The following SNX30 variants were observed in gnomAD, a reference collection of about 807,000 sequenced individuals.
SNX30 encodes the protein sorting nexin-30.
SNX30 carries 24 observed loss-of-function variants against 46.4 expected under a neutral mutation model. The ratio of observed to expected loss-of-function variants is 0.52; its 90% CI spans 0.37 to 0.73. The LOEUF (loss-of-function observed/expected upper bound fraction) is 0.73, where lower values mean the gene tolerates loss of function less well. Among genes scored for constraint, SNX30 ranks in the 30% least tolerant of loss-of-function variants. The pLI is 0.00. For synonymous variants in SNX30, 189 were observed against 211.5 expected (o/e 0.89, Z 0.92); for missense variants, 533 against 555.7 (o/e 0.96, Z 0.41).
At chr9:112,859,217 A>G (rs1005103944) in intron 7 of SNX30, among the ~76,000 whole-genome samples, 3 of 152,106 alleles carry the variant, frequency 2.0e-5, no homozygotes, top group Admixed American at 2.0e-4. Context: ...ACTCAGTGTA[A>G]TGTCCTTGGT....
At chr9:112,786,615 A>G (rs1839932666) in intron 1 of SNX30, among the ~76,000 whole-genome samples, 1 of 151,128 alleles carries the variant, frequency 6.6e-6, no homozygotes, top group South Asian at 2.1e-4. Flanking sequence ...AGAGGGCAAG[A>G]CTGTGTGACC....
intron 6 of SNX30, among the ~76,000 whole-genome samples, chr9:112,840,738 C>G (rs1840842213): frequency 6.6e-6 from 1 of 151,734 alleles, no homozygotes; most frequent in African/African-American, 2.4e-5. Context: ...CTCGGCCTCC[C>G]AAAGTGCTGG....
At chr9:112,836,168 A>G (rs1309664022) in intron 4 of SNX30, 46 bp from the exon 5 acceptor site, 4 of 1,528,146 alleles carry the variant, frequency 2.6e-6, no homozygotes, top group Admixed American at 1.8e-5. Flanking sequence ...AGTCCTGCCC[A>G]TGTGAGTGAG....
chr9:112,832,615 G>A (rs1019665020), intron 4 of SNX30, among the ~76,000 whole-genome samples: 3 of 141,088 alleles, frequency 2.1e-5, no homozygotes, highest in African/African-American at 5.3e-5. Context: ...ATCACACGCC[G>A]GGGACTGTTG....
intron 1 of SNX30, among the ~76,000 whole-genome samples, chr9:112,774,944 A>C (rs953047545): frequency 8.0e-5 from 12 of 149,228 alleles, no homozygotes; most frequent in African/African-American, 3.0e-4. Context: ...TCCTGGGTTC[A>C]AGCGATTCTC....
intron 7 of SNX30, among the ~76,000 whole-genome samples, chr9:112,859,755 C>T (rs924823661): frequency 1.3e-5 from 2 of 151,280 alleles, no homozygotes; most frequent in Admixed American, 6.6e-5. Flanking sequence ...GATCCACTTG[C>T]CTTGGCCTCC....
chr9:112,789,928 T>A (rs1396989185), intron 1 of SNX30, among the ~76,000 whole-genome samples: 1 of 152,206 alleles, frequency 6.6e-6, no homozygotes, highest in Non-Finnish European at 1.5e-5. Context: ...TCTTAAACCA[T>A]GTCTAAAGAA....
intron 1 of SNX30, among the ~76,000 whole-genome samples, chr9:112,769,722 A>T (rs544331827): frequency 6.6e-6 from 1 of 150,704 alleles, no homozygotes; most frequent in African/African-American, 2.4e-5. Flanking sequence ...TCCCTAAGCA[A>T]TCTCATCCAG....
At chr9:112,807,192 A>C (rs955056987) in intron 2 of SNX30, among the ~76,000 whole-genome samples, 23 of 150,994 alleles carry the variant, frequency 1.5e-4, no homozygotes, top group Admixed American at 9.9e-4. Context: ...CAGCCTCCCG[A>C]GTAGCTGGGA....
chr9:112,753,580 G>A lies in SNX30; in HGVS notation c.156+2423G>A, dbSNP rs568034220. On this transcript the variant is annotated intron_variant, in intron 1 of 8. Coordinates refer to ENST00000374232, the MANE Select transcript of SNX30 (RefSeq NM_001012994.2). Reference sequence around the variant, plus strand: ...GTATTTTTAGTAGAGACGAGGTTTCGCCATGTTGGCCAGGCTAGTCTCGAA... The same window carrying A: ...GTATTTTTAGTAGAGACGAGGTTTCACCATGTTGGCCAGGCTAGTCTCGAA... Among the ~76,000 whole-genome samples, 4 of 152,066 alleles carry A rather than the reference G, an allele frequency of 2.6e-5. No individual in the cohort carries two copies. The East Asian group carries it at 7.7e-4, about 29-fold the overall frequency.
At chr9:112,805,798 C>G (rs1005293292) in intron 2 of SNX30, among the ~76,000 whole-genome samples, 10 of 152,148 alleles carry the variant, frequency 6.6e-5, no homozygotes, top group Admixed American at 1.3e-4. Context: ...AACTTATATC[C>G]TTTAGTTACA....
At chr9:112,753,085 TG>T (rs1257795373) in intron 1 of SNX30, among the ~76,000 whole-genome samples, 1 of 152,166 alleles carries the variant, frequency 6.6e-6, no homozygotes, top group Admixed American at 6.5e-5. Context: ...TGGTACAATG[TG>T]GGGAGAGGGT....
Position 112,852,448 on chromosome 9 carries a change from A to G in SNX30, c.1101+1503A>G, listed in dbSNP as rs1396066689. Among the ~76,000 whole-genome samples the G allele has an allele frequency of 9.2e-5, 14 of 152,196 alleles. 1 individual carries two copies. ...ATGATTTTATGTAAGGGACTTGAAC[A>G]TTCACAGATTTTGATATCTCAGAAG... On this transcript the variant is annotated intron_variant, in intron 7 of 8. Coordinates refer to ENST00000374232, the MANE Select transcript of SNX30 (RefSeq NM_001012994.2).
chr9:112,788,593 T>C (rs1839967577), intron 1 of SNX30, among the ~76,000 whole-genome samples: 1 of 152,178 alleles, frequency 6.6e-6, no homozygotes, highest in African/African-American at 2.4e-5. Flanking sequence ...AGGGACCTCA[T>C]GCTTGTTACG....
intron 3 of SNX30, among the ~76,000 whole-genome samples, chr9:112,821,471 G>GTA (rs1191842450): frequency 6.6e-6 from 1 of 151,792 alleles, no homozygotes; most frequent in Non-Finnish European, 1.5e-5. Context: ...GTATATGTGT[G>GTA]TATATATATG....
intron 3 of SNX30, among the ~76,000 whole-genome samples, chr9:112,822,538 TTTG>T (rs202011657): frequency 0.016 from 2,054 of 124,728 alleles, 98 homozygotes; most frequent in Non-Finnish European, 0.027. Context: ...GCTGTTTTGT[TTTG>T]TTTTTTTTTT....
chr9:112,828,640 A>G (rs2131440950), intron 3 of SNX30, among the ~76,000 whole-genome samples: 1 of 152,324 alleles, frequency 6.6e-6, no homozygotes, highest in Admixed American at 6.5e-5. Context: ...AGATCTGATC[A>G]GGGATCCGTT....
Position 112,850,937 on chromosome 9 carries a change from C to A in SNX30, c.1093C>A (p.Arg365Ser). The A allele has an allele frequency of 1.2e-6, 2 of 1,613,944 alleles. No homozygotes were observed. Among genetic ancestry groups the A allele is most frequent in the Non-Finnish European group, 1.7e-6 (2 of 1,179,934 alleles). Residue 365 changes from arginine to serine, a missense_variant, in exon 7 of 9, where the codon CGC (arginine) becomes AGC (serine). Arg to Ser is a moderately radical substitution (Grantham distance 110). Coordinates refer to ENST00000374232, the MANE Select transcript of SNX30 (RefSeq NM_001012994.2). ...LEAVALRKED[R>S]PKVPADVEKC... The stretch of plus-strand genomic sequence containing the variant: ...AGCTGTGGCTCTGCGGAAGGAAGAC[C>A]GCCCCAAGGTCAGGGAAGCCACCTG...
chr9:112,796,881 T>C (rs1294772562), intron 1 of SNX30, among the ~76,000 whole-genome samples: 1 of 152,146 alleles, frequency 6.6e-6, no homozygotes, highest in Non-Finnish European at 1.5e-5. Context: ...GGTTAACCTC[T>C]AATTTCCTGT....
Sources: allele counts gnomAD v4.1 joint callset (sites outside exome capture counted in the v4.1 genomes callset), GRCh38; gene constraint gnomAD v4.1.1; transcripts MANE v1.5; gene names NCBI Gene and HGNC (gene_info 2026-07-23, HGNC 2026-07-21).